CCDC50: variants seen among roughly 807,000 people sequenced by gnomAD.
The protein encoded by CCDC50 is coiled-coil domain-containing protein 50.
CCDC50 carries 54 observed loss-of-function variants against 70.2 expected under a neutral mutation model. The ratio of observed to expected loss-of-function variants is 0.77; its 90% CI spans 0.62 to 0.96. The LOEUF (loss-of-function observed/expected upper bound fraction) is 0.96. Among genes scored for constraint, CCDC50 ranks in the 50% least tolerant of loss-of-function variants. The probability of loss-of-function intolerance (pLI) is 0.00; values close to 1 mark genes in which losing one functional copy is unlikely to be tolerated. For missense variants in CCDC50, 558 were observed against 578.7 expected (o/e 0.96, Z 0.37); for synonymous variants, 216 against 198.8 (o/e 1.09, Z -0.73).
intron 1 of CCDC50, among the ~76,000 whole-genome samples, chr3:191,353,485 G>C (rs553661009): frequency 7.1e-6 from 1 of 141,584 alleles, no homozygotes; most frequent in Admixed American, 7.2e-5. Context: ...TTTATCCTCA[G>C]TAGGCTGTTT....
At chr3:191,384,425 T>A (rs1198188218) in intron 10 of CCDC50, among the ~76,000 whole-genome samples, 1 of 151,122 alleles carries the variant, frequency 6.6e-6, no homozygotes, top group Non-Finnish European at 1.5e-5. Context: ...CTGGTTTTCC[T>A]CTTTCACATT....
chr3:191,362,089 C>T (rs79652250), intron 4 of CCDC50, among the ~76,000 whole-genome samples: 1,663 of 152,020 alleles, frequency 0.011, 25 homozygotes, highest in African/African-American at 0.039. Flanking sequence ...TTGAATTTAC[C>T]ATCAGCTATT....
chr3:191,343,314 G>A (rs1373885421), intron 1 of CCDC50, among the ~76,000 whole-genome samples: 1 of 152,142 alleles, frequency 6.6e-6, no homozygotes, highest in Non-Finnish European at 1.5e-5. Flanking sequence ...ATGGAGCTAG[G>A]GTTGGAATCA....
chr3:191,358,744 C>T (rs1712381352), intron 3 of CCDC50, among the ~76,000 whole-genome samples: 1 of 152,196 alleles, frequency 6.6e-6, no homozygotes, highest in Non-Finnish European at 1.5e-5. Flanking sequence ...TGTTATAAAG[C>T]TCCCAGGATA....
At chr3:191,366,548 C>G (rs977142391) in intron 4 of CCDC50, among the ~76,000 whole-genome samples, 5 of 152,122 alleles carry the variant, frequency 3.3e-5, no homozygotes, top group African/African-American at 9.6e-5. Flanking sequence ...TTTAAAAGAG[C>G]TTAAGAGTTC....
chr3:191,363,343 G>A (rs1228393960), intron 4 of CCDC50, among the ~76,000 whole-genome samples: 1 of 152,126 alleles, frequency 6.6e-6, no homozygotes, highest in Non-Finnish European at 1.5e-5. Context: ...ACATACTGTG[G>A]TATACATGAA....
chr3:191,395,849 G>A lies in CCDC50; in HGVS notation c.*4089G>A, dbSNP rs1381132704. 1 of 152,114 alleles carries A rather than the reference G, an allele frequency of 6.6e-6. No individual in the cohort carries two copies. Among genetic ancestry groups the A allele is most frequent in the Non-Finnish European group, 1.5e-5 (1 of 68,010 alleles). 9.4% of individuals were successfully genotyped at this position (152,114 alleles called of 1,614,324 possible). A position where few individuals can be genotyped will look rare whatever the true frequency, so the allele number is the denominator to read the frequency against. On this transcript the variant is annotated 3_prime_UTR_variant, in exon 12 of 12. Transcript: ENST00000392455. ...TGGTCCAATTTTCTCATTTCTGGTG[G>A]TGCCTGTGAGTCTTAAAGCCATATC...
At chr3:191,362,938 A>G (rs1011965659) in intron 4 of CCDC50, among the ~76,000 whole-genome samples, 1 of 152,198 alleles carries the variant, frequency 6.6e-6, no homozygotes, top group African/African-American at 2.4e-5. Context: ...TTGCCTCTTT[A>G]TAGTGAAGAC....
intron 6 of CCDC50, 55 bp downstream of exon 6, chr3:191,375,644 C>T (rs955300978): frequency 7.7e-6 from 12 of 1,564,100 alleles, no homozygotes; most frequent in Middle Eastern, 3.7e-4. Flanking sequence ...AACTACAAAC[C>T]AATGAATTTA....
chr3:191,398,435 GGTCTCT>G lies in CCDC50; in HGVS notation c.*6681_*6686del, dbSNP rs2108683393. 6.6e-6 allele frequency: 1 copy of G among 152,160 alleles called. No homozygotes were observed. The highest frequency in any genetic ancestry group is 2.4e-5 in the African/African-American group (1 of 41,508). The allele number at this position is 152,160 out of a possible 1,614,324, so 9.4% of individuals were successfully genotyped here. ...AAAGTCATCCATTTGTTAAGTCAGT[GGTCTCT>G]GTCTCATGTTTTTGTTTTGTTTCTT... is the stretch of plus-strand genomic sequence containing the variant. On this transcript the variant is annotated 3_prime_UTR_variant, in exon 12 of 12. Coordinates refer to ENST00000392455, the MANE Select transcript of CCDC50 (RefSeq NM_178335.3).
intron 6 of CCDC50, among the ~76,000 whole-genome samples, chr3:191,379,499 A>G (rs1037026893): frequency 6.6e-6 from 1 of 152,144 alleles, no homozygotes; most frequent in Non-Finnish European, 1.5e-5. Context: ...ATAAATTGGA[A>G]TAGAACTCTG....
Position 191,369,997 on chromosome 3 carries a change from A to ATATGCAGTT in CCDC50, c.409_410insTATGCAGTT (p.Thr137delinsIleCysSerSer). ...GAAACACTTTCCAGAGTTCCCTGCAACCCGTGCTTATGCAGATAGTTACTA... is the reference window on the plus strand; with the variant it reads ...GAAACACTTTCCAGAGTTCCCTGCAATATGCAGTTCCCGTGCTTATGCAGATAGTTACTA... On this transcript the variant is annotated protein_altering_variant, in exon 5 of 12. Coordinates refer to ENST00000392455, the MANE Select transcript of CCDC50 (RefSeq NM_178335.3). 5 of 1,613,082 alleles carry ATATGCAGTT rather than the reference A, an allele frequency of 3.1e-6. No homozygotes were observed. The highest frequency in any genetic ancestry group is 4.2e-6 in the Non-Finnish European group (5 of 1,179,264).
rs148516643 is a variant in CCDC50 at position 191,333,483 on chromosome 3, A to G, written c.49+3760A>G. 5.9e-5 allele frequency among the ~76,000 whole-genome samples: 9 copies of G among 152,294 alleles called. 1 individual carries two copies. The highest frequency in any genetic ancestry group is 2.2e-4 in the African/African-American group (9 of 41,570). On this transcript the variant is annotated intron_variant, in intron 1 of 11. Coordinates refer to ENST00000392455, the MANE Select transcript of CCDC50 (RefSeq NM_178335.3). ...ATGGCAGTGTCCATGAGATGTACAT[A>G]TATCTGGCTACACGGCAAACCCACT...
intron 1 of CCDC50, among the ~76,000 whole-genome samples, chr3:191,338,291 T>C (rs561703534): frequency 6.6e-6 from 1 of 152,348 alleles, no homozygotes; most frequent in Admixed American, 6.5e-5. Context: ...GGTTTTTCTT[T>C]TATATTATGA....
chr3:191,371,505 G>A (rs989901352), intron 5 of CCDC50, among the ~76,000 whole-genome samples: 2 of 152,048 alleles, frequency 1.3e-5, no homozygotes, highest in African/African-American at 4.8e-5. Flanking sequence ...GATCCTGAAG[G>A]GCCTTGCAAA....
At chr3:191,376,688 T>C (rs943106853) in intron 6 of CCDC50, among the ~76,000 whole-genome samples, 2 of 152,178 alleles carry the variant, frequency 1.3e-5, no homozygotes, top group African/African-American at 4.8e-5. Flanking sequence ...TTAGGCTTTG[T>C]GCTTGGATTT....
At chr3:191,385,205 A>T (rs575809873) in intron 10 of CCDC50, among the ~76,000 whole-genome samples, 1 of 152,284 alleles carries the variant, frequency 6.6e-6, no homozygotes, top group Admixed American at 6.5e-5. Context: ...GGGTAATGGT[A>T]GCTCTATTTT....
chr3:191,395,443 G>A lies in CCDC50; in HGVS notation c.*3683G>A, dbSNP rs1362087461. 1.3e-5 allele frequency: 2 copies of A among 152,142 alleles called. No individual in the cohort carries two copies. Among genetic ancestry groups the A allele is most frequent in the African/African-American group, 2.4e-5 (1 of 41,434 alleles). 9.4% of individuals were successfully genotyped at this position (152,142 alleles called of 1,614,324 possible). On this transcript the variant is annotated 3_prime_UTR_variant, in exon 12 of 12. Transcript: ENST00000392455. ...CAAGTGGTTAACATTTTAAGTCCTAGATTTTTTATGTCTTGCCTTTGTATA... is the reference window on the plus strand; with the variant it reads ...CAAGTGGTTAACATTTTAAGTCCTAAATTTTTTATGTCTTGCCTTTGTATA...
At chr3:191,335,536 A>T (rs1711506191) in intron 1 of CCDC50, among the ~76,000 whole-genome samples, 2 of 152,182 alleles carry the variant, frequency 1.3e-5, no homozygotes, top group African/African-American at 4.8e-5. Flanking sequence ...AAACCAGCGC[A>T]AGAGTTCTCA....
Sources: allele counts gnomAD v4.1 joint callset (sites outside exome capture counted in the v4.1 genomes callset), GRCh38; gene constraint gnomAD v4.1.1; transcripts MANE v1.5; gene names NCBI Gene and HGNC (gene_info 2026-07-23, HGNC 2026-07-21).